Variants in SPHKAP observed in about 807,000 individuals in gnomAD.
SPHKAP encodes the protein A-kinase anchor protein SPHKAP.
Under a neutral mutation model 137.5 loss-of-function variants are expected in SPHKAP, and 67 were observed. That is an observed-to-expected ratio of 0.49 (90% CI 0.40 to 0.60). SPHKAP has a LOEUF of 0.60. Ranked by LOEUF, SPHKAP falls within the 20% of genes least tolerant of loss-of-function variation. The probability of loss-of-function intolerance (pLI) is 0.00; values close to 1 mark genes in which losing one functional copy is unlikely to be tolerated. For synonymous variants in SPHKAP, 813 were observed against 785.3 expected (o/e 1.04, Z -0.59); for missense variants, 2,097 against 2,069.3 (o/e 1.01, Z -0.26).
chr2:228,101,338 C>A (rs1698176629), intron 3 of SPHKAP, among the ~76,000 whole-genome samples: 2 of 152,150 alleles, frequency 1.3e-5, no homozygotes, highest in Admixed American at 6.5e-5. Flanking sequence ...CATACATGTA[C>A]AATTTTGTAG....
intron 1 of SPHKAP, among the ~76,000 whole-genome samples, chr2:228,135,364 A>G (rs2106379875): frequency 6.6e-6 from 1 of 151,860 alleles, no homozygotes; most frequent in East Asian, 1.9e-4. Flanking sequence ...AGAGATGGTT[A>G]GGTCCAAAAT....
chr2:228,124,920 A>T (rs190219000), intron 2 of SPHKAP, among the ~76,000 whole-genome samples: 1 of 152,186 alleles, frequency 6.6e-6, no homozygotes, highest in Non-Finnish European at 1.5e-5. Context: ...GTCATTCTTC[A>T]GGTATATCTT....
intron 7 of SPHKAP, among the ~76,000 whole-genome samples, chr2:228,009,455 A>G (rs1694279133): frequency 6.6e-6 from 1 of 152,168 alleles, no homozygotes; most frequent in Non-Finnish European, 1.5e-5. Context: ...CATATTTATA[A>G]GAGATATTTA....
intron 1 of SPHKAP, among the ~76,000 whole-genome samples, chr2:228,158,329 T>TC (rs1012923810): frequency 1.1e-4 from 17 of 149,688 alleles, no homozygotes; most frequent in African/African-American, 4.2e-4. Context: ...CTTCTTTCTT[T>TC]TTTTTTTTTT....
At chr2:228,146,709 C>T (rs763270701) in intron 1 of SPHKAP, among the ~76,000 whole-genome samples, 2 of 152,210 alleles carry the variant, frequency 1.3e-5, no homozygotes, top group African/African-American at 4.8e-5. Flanking sequence ...CAGTTCCACG[C>T]GTGTTCCCGC....
At chr2:228,059,689 T>C (rs1013674115) in intron 3 of SPHKAP, among the ~76,000 whole-genome samples, 1 of 152,212 alleles carries the variant, frequency 6.6e-6, no homozygotes, top group Non-Finnish European at 1.5e-5. Flanking sequence ...CAGATGCTAC[T>C]ATATGGAAGT....
intron 7 of SPHKAP, among the ~76,000 whole-genome samples, chr2:228,004,978 T>C: frequency 6.6e-6 from 1 of 152,092 alleles, no homozygotes; most frequent in East Asian, 1.9e-4. Flanking sequence ...TACTTCCAAC[T>C]ATGTGAATTT....
Position 228,016,726 on chromosome 2 carries a change from A to G in SPHKAP, c.4128T>C (p.Val1376=). Residue 1376 remains valine (V), a synonymous_variant, in exon 7 of 12, where the codon GTT becomes GTC. Transcript: ENST00000392056. ...ACACTGGGGGCTGTTTACATTCGGT[A>G]ACAGAGTCTTTCCTCGGGCAATCGA... ...ESLDCPRKDS[V]TECKQPPVSS... 1 of 1,614,108 alleles carries G rather than the reference A, an allele frequency of 6.2e-7. No individual in the cohort carries two copies. The highest frequency in any genetic ancestry group is 8.5e-7 in the Non-Finnish European group (1 of 1,180,020).
chr2:228,083,818 A>G (rs1697448364), intron 3 of SPHKAP, among the ~76,000 whole-genome samples: 1 of 152,184 alleles, frequency 6.6e-6, no homozygotes, highest in African/African-American at 2.4e-5. Flanking sequence ...CATTCTCAGC[A>G]AACTAACACA....
At chr2:227,993,258 T>A (rs531460633) in intron 9 of SPHKAP, among the ~76,000 whole-genome samples, 7 of 152,358 alleles carry the variant, frequency 4.6e-5, no homozygotes, top group African/African-American at 1.7e-4. Context: ...TTCTTGCTTC[T>A]GTTTCTAGGT....
intron 1 of SPHKAP, among the ~76,000 whole-genome samples, chr2:228,179,200 C>T (rs958409029): frequency 2.0e-5 from 3 of 152,078 alleles, no homozygotes; most frequent in African/African-American, 7.2e-5. Context: ...TTTATAACCA[C>T]CAACTTAATT....
chr2:228,018,402 G>A lies in SPHKAP; in HGVS notation c.2452C>T (p.His818Tyr). 6.2e-7 allele frequency: 1 copy of A among 1,614,112 alleles called. No homozygotes were observed. The highest frequency in any genetic ancestry group is 1.1e-5 in the South Asian group (1 of 91,060). The change falls in exon 7 of 12, where the codon CAC becomes TAC. Residue 818 changes from histidine (H) to tyrosine (Y), a missense_variant. Physicochemically the swap from His to Tyr is moderately conservative, Grantham distance 83 (BLOSUM62 2). Transcript: ENST00000392056. The stretch of plus-strand genomic sequence containing the variant: ...GCAGTTGAAGAATCGGGCACTCTGT[G>A]ACTACGTGATAATTGTGACTGCAGC... ...PTLQSQLSRS[H>Y]RVPDSSTATT... is the part of the protein sequence containing the mutation.
intron 1 of SPHKAP, among the ~76,000 whole-genome samples, chr2:228,173,566 C>T (rs1383125217): frequency 1.3e-5 from 2 of 152,072 alleles, no homozygotes; most frequent in Non-Finnish European, 2.9e-5. Flanking sequence ...CCATTGCTAG[C>T]TTTGTAGATG....
intron 3 of SPHKAP, among the ~76,000 whole-genome samples, chr2:228,106,744 C>T (rs1042148670): frequency 6.6e-6 from 1 of 152,058 alleles, no homozygotes; most frequent in African/African-American, 2.4e-5. Context: ...TAATAATTTC[C>T]CTCAGGAATG....
Position 228,018,639 on chromosome 2 carries a change from T to C in SPHKAP, c.2215A>G (p.Lys739Glu), listed in dbSNP as rs748535436. ...GTCTCCCTCCTTCTGATGGTCTCCT[T>C]AGAAAGGACAGCAGGACATTCACCA... ...RLGECPAVLS[K>E]ETIRRRETEP... Residue 739 changes from lysine to glutamate, a missense_variant, in exon 7 of 12, where the codon AAG becomes GAG. Lys to Glu is a moderately conservative substitution (Grantham distance 56). Transcript: ENST00000392056. The C allele has an allele frequency of 6.2e-7, 1 of 1,614,176 alleles. No individual in the cohort carries two copies. Among genetic ancestry groups the C allele is most frequent in the Non-Finnish European group, 8.5e-7 (1 of 1,180,024 alleles).
chr2:228,136,835 C>G (rs1699450064), intron 1 of SPHKAP, among the ~76,000 whole-genome samples: 1 of 152,136 alleles, frequency 6.6e-6, no homozygotes, highest in Non-Finnish European at 1.5e-5. Context: ...ATGGGGCAAA[C>G]AGAGATAAAG....
At position 228,106,505 on chromosome 2, in the gene SPHKAP, AC is replaced by A. The variant is rs550673702; in HGVS notation, c.246+2326del. The stretch of plus-strand genomic sequence containing the variant: ...TTTAAGTTTGGGATGATTTTATAAA[AC>A]TATTCTTAAAATTAAACTTTAATGA... On this transcript the variant is annotated intron_variant, in intron 3 of 11. Coordinates refer to ENST00000392056, the MANE Select transcript of SPHKAP (RefSeq NM_001142644.2). 3.3e-4 allele frequency among the ~76,000 whole-genome samples: 51 copies of A among 152,310 alleles called. 1 individual carries two copies. The South Asian group carries it at 9.7e-3, about 29-fold the overall frequency.
At chr2:228,156,163 C>A (rs6710836) in intron 1 of SPHKAP, among the ~76,000 whole-genome samples, 8,806 of 152,214 alleles carry the variant, frequency 0.058, 855 homozygotes, top group African/African-American at 0.2. Context: ...ATAATTGCCC[C>A]CCAAATCCGA....
intron 3 of SPHKAP, among the ~76,000 whole-genome samples, chr2:228,054,463 A>T (rs1387982700): frequency 6.6e-6 from 1 of 152,162 alleles, no homozygotes; most frequent in Non-Finnish European, 1.5e-5. Flanking sequence ...GTATAGAATA[A>T]CATTTTGAGA....
Sources: gnomAD v4.1 joint callset for allele counts (sites outside exome capture counted in the v4.1 genomes callset) on GRCh38, gnomAD v4.1.1 for gene constraint, MANE v1.5 for transcripts, NCBI Gene and HGNC (gene_info 2026-07-23, HGNC 2026-07-21) for gene names.